Variants in CDR2 observed in about 807,000 individuals in gnomAD.
The protein encoded by CDR2 is cerebellar degeneration-related protein 2.
In CDR2, 34 loss-of-function variants were observed where a neutral mutation model predicts 48.4. The ratio of observed to expected loss-of-function variants is 0.70; its 90% confidence interval spans 0.53 to 0.94. CDR2 has a LOEUF of 0.94. Among genes scored for constraint, CDR2 ranks in the 40% least tolerant of loss-of-function variants. CDR2 has a pLI of 0.00. For synonymous variants in CDR2, 240 were observed against 219.7 expected, an observed-to-expected ratio of 1.09 and a Z score of -0.82; for missense variants, 498 against 549.5, an observed-to-expected ratio of 0.91 and a Z score of 0.94.
intron 2 of CDR2, among the ~76,000 whole-genome samples, chr16:22,360,789 G>A (rs1171478266): frequency 4.5e-5 from 5 of 111,640 alleles, no homozygotes; most frequent in East Asian, 2.7e-4. Flanking sequence ...TCACTCTTTC[G>A]CCCAGACTGG....
chr16:22,373,195 TGCTA>T (rs1275508663), intron 1 of CDR2, among the ~76,000 whole-genome samples: 1 of 152,192 alleles, frequency 6.6e-6, no homozygotes, highest in African/African-American at 2.4e-5. Context: ...TGCTAGCTCC[TGCTA>T]TTAGTATAAG....
At chr16:22,367,509 T>A (rs1411421300) in intron 1 of CDR2, among the ~76,000 whole-genome samples, 1 of 152,224 alleles carries the variant, frequency 6.6e-6, no homozygotes, top group African/African-American at 2.4e-5. Context: ...AGGTAAAGTT[T>A]AAATTTTATT....
At position 22,372,798 on chromosome 16, in the gene CDR2, A is replaced by C. The variant is rs142316885; in HGVS notation, c.79+1433T>G. 9.9e-3 allele frequency among the ~76,000 whole-genome samples: 1,510 copies of C among 152,346 alleles called. 25 individuals carry two copies. Among genetic ancestry groups the C allele is most frequent in the South Asian group, 0.052 (251 of 4,830 alleles). On this transcript the variant is annotated intron_variant, in intron 1 of 4. Transcript: ENST00000268383. ...GTTAAAGTGATTGCATGTTAATTTA[A>C]GAAATTATCTTCCTCCAAAAGAGGT...
chr16:22,363,946 T>A (rs2049027970), intron 2 of CDR2, among the ~76,000 whole-genome samples: 1 of 151,846 alleles, frequency 6.6e-6, no homozygotes, highest in African/African-American at 2.4e-5. Context: ...ATTATTATTA[T>A]TTTTTTATTG....
chr16:22,369,393 C>T (rs1050837193), intron 1 of CDR2, among the ~76,000 whole-genome samples: 1 of 152,188 alleles, frequency 6.6e-6, no homozygotes, highest in Non-Finnish European at 1.5e-5. Context: ...ATGGAACTAC[C>T]TGTGCTACTT....
intron 2 of CDR2, among the ~76,000 whole-genome samples, chr16:22,356,138 A>T (rs1296136341): frequency 1.3e-5 from 2 of 152,148 alleles, no homozygotes; most frequent in African/African-American, 2.4e-5. Flanking sequence ...TACATCACAA[A>T]TTTACTTTTT....
At position 22,346,740 on chromosome 16, in the gene CDR2, A is replaced by T; in HGVS notation, c.*225T>A. On this transcript the variant is annotated 3_prime_UTR_variant, in exon 5 of 5. Coordinates refer to ENST00000268383, the MANE Select transcript of CDR2 (RefSeq NM_001802.2). ...GAAGTCTAATCAGCGCGCCAGCCAGAGGCCAGTTTGTCATGGGATTTCCTG... is the reference window on the plus strand; with the variant it reads ...GAAGTCTAATCAGCGCGCCAGCCAGTGGCCAGTTTGTCATGGGATTTCCTG... The T allele has an allele frequency of 1.8e-6, 1 of 563,674 alleles. No homozygotes were observed. Among genetic ancestry groups the T allele is most frequent in the South Asian group, 2.3e-5 (1 of 43,832 alleles). 34.9% of individuals were successfully genotyped at this position (563,674 alleles called of 1,614,324 possible).
intron 4 of CDR2, among the ~76,000 whole-genome samples, chr16:22,348,685 G>A (rs144958507): frequency 3.0e-4 from 46 of 152,346 alleles, no homozygotes; most frequent in African/African-American, 1.1e-3. Flanking sequence ...GTGATCTGAT[G>A]TACAGCCAAG....
chr16:22,373,072 G>A (rs2049089286), intron 1 of CDR2, among the ~76,000 whole-genome samples: 1 of 152,294 alleles, frequency 6.6e-6, no homozygotes, highest in East Asian at 1.9e-4. Context: ...GAGTCTTAAG[G>A]AGAACCCTAG....
intron 1 of CDR2, among the ~76,000 whole-genome samples, chr16:22,367,904 A>G (rs532442197): frequency 6.6e-6 from 1 of 152,192 alleles, no homozygotes; most frequent in African/African-American, 2.4e-5. Context: ...AAAACTAACA[A>G]TGTCTATTAG....
intron 2 of CDR2, among the ~76,000 whole-genome samples, chr16:22,354,019 AAGG>A (rs1465160992): frequency 6.6e-6 from 1 of 152,236 alleles, no homozygotes; most frequent in African/African-American, 2.4e-5. Context: ...ATTGCTCAAT[AAGG>A]AGAAGCTACT....
At chr16:22,373,767 C>A (rs1250781092) in intron 1 of CDR2, among the ~76,000 whole-genome samples, 1 of 152,250 alleles carries the variant, frequency 6.6e-6, no homozygotes, top group African/African-American at 2.4e-5. Context: ...CGGTGCGGAG[C>A]GCACAGCTCC....
intron 2 of CDR2, among the ~76,000 whole-genome samples, chr16:22,355,693 C>A (rs2141846375): frequency 6.6e-6 from 1 of 152,312 alleles, no homozygotes; most frequent in East Asian, 1.9e-4. Flanking sequence ...GCCAAGCCCC[C>A]AAACATGCCA....
At chr16:22,367,503 A>C (rs1178698948) in intron 1 of CDR2, among the ~76,000 whole-genome samples, 1 of 152,202 alleles carries the variant, frequency 6.6e-6, no homozygotes, top group African/African-American at 2.4e-5. Context: ...CATGGTAGGT[A>C]AAGTTTAAAT....
intron 2 of CDR2, among the ~76,000 whole-genome samples, chr16:22,359,414 C>T (rs910599885): frequency 2.0e-5 from 3 of 152,136 alleles, no homozygotes; most frequent in Non-Finnish European, 4.4e-5. Flanking sequence ...AGTGAGCCAC[C>T]GCCACCGGCT....
intron 2 of CDR2, among the ~76,000 whole-genome samples, chr16:22,351,567 C>CA (rs1049584236): frequency 2.0e-5 from 3 of 151,604 alleles, no homozygotes; most frequent in African/African-American, 4.8e-5. Flanking sequence ...CATTCTGGAC[C>CA]AAAAAAAATG....
At chr16:22,356,940 CAAAAAAA>C (rs1047380020) in intron 2 of CDR2, among the ~76,000 whole-genome samples, 3 of 28,878 alleles carry the variant, frequency 1.0e-4, no homozygotes, top group Non-Finnish European at 2.2e-4. Context: ...GACTCCATCT[CAAAAAAA>C]AAAAAGAAAA....
At chr16:22,373,099 T>C (rs1001489138) in intron 1 of CDR2, among the ~76,000 whole-genome samples, 9 of 152,194 alleles carry the variant, frequency 5.9e-5, no homozygotes, top group African/African-American at 2.2e-4. Context: ...CCAACATTAC[T>C]ACCTCTATTG....
chr16:22,347,837 T>C lies in CDR2; in HGVS notation c.507-14A>G. 5 of 1,594,754 alleles carry C rather than the reference T, an allele frequency of 3.1e-6. No homozygotes were observed. Among genetic ancestry groups the C allele is most frequent in the Non-Finnish European group, 4.3e-6 (5 of 1,170,184 alleles). On this transcript the variant is annotated splice_polypyrimidine_tract_variant and intron_variant, in intron 4 of 4. Transcript: ENST00000268383. ...TACACGAAGTGTCTAGGGAAAAAAA[T>C]ATTGAAAGAATATATTACACAGGTC... is the stretch of plus-strand genomic sequence containing the variant.
Sources: gnomAD v4.1 joint callset for allele counts (sites outside exome capture counted in the v4.1 genomes callset) on GRCh38, gnomAD v4.1.1 for gene constraint, MANE v1.5 for transcripts, NCBI Gene and HGNC (gene_info 2026-07-23, HGNC 2026-07-21) for gene names.